Variants in UBXN4 observed in about 807,000 individuals in gnomAD.
UBXN4 encodes the protein UBX domain-containing protein 4.
Under a neutral mutation model 66.2 loss-of-function variants are expected in UBXN4, and 35 were observed. The ratio of observed to expected loss-of-function variants is 0.53; its 90% CI spans 0.40 to 0.70. UBXN4 has a LOEUF of 0.70. UBXN4 is among the 30% of genes least tolerant of loss of function. The pLI is 0.00. For missense variants in UBXN4, 533 were observed against 599.8 expected (o/e 0.89, Z 1.16); for synonymous variants, 203 against 204.5 (o/e 0.99, Z 0.06).
chr2:135,759,579 C>G (rs1197080549), intron 5 of UBXN4, among the ~76,000 whole-genome samples: 1 of 152,118 alleles, frequency 6.6e-6, no homozygotes, highest in Non-Finnish European at 1.5e-5. Flanking sequence ...TTGATCAAGT[C>G]AGCTTCATTA....
chr2:135,761,949 A>G lies in UBXN4; in HGVS notation c.602+38A>G. On this transcript the variant is annotated intron_variant, in intron 6 of 12. Coordinates refer to ENST00000272638, the MANE Select transcript of UBXN4 (RefSeq NM_014607.4). ...TTTTGCAAATAGCATTTTGTTTAAAAAGACAGTGGTTTTCAGTTATTTCAT... is the reference window on the plus strand; with the variant it reads ...TTTTGCAAATAGCATTTTGTTTAAAGAGACAGTGGTTTTCAGTTATTTCAT... The G allele has an allele frequency of 1.9e-6, 3 of 1,569,210 alleles. No homozygotes were observed. In the Middle Eastern group the frequency reaches 5.1e-4, roughly 264 times the overall value.
chr2:135,742,050 C>G, intron 1 of UBXN4, 39 bp downstream of exon 1: 2 of 1,601,814 alleles, frequency 1.2e-6, no homozygotes, highest in Non-Finnish European at 1.7e-6. Context: ...CCGGGACACC[C>G]CTCCGGCCTA....
Position 135,746,579 on chromosome 2 carries a change from C to T in UBXN4, c.83-1688C>T, listed in dbSNP as rs137932684. On this transcript the variant is annotated intron_variant, in intron 1 of 12. Transcript: ENST00000272638. ...AATATTAAAGTGGGTGATTAAGTAT[C>T]AGCTTTATTGAGCTGATATTTGAGC... Among the ~76,000 whole-genome samples the T allele has an allele frequency of 1.5e-3, 226 of 152,264 alleles. 2 individuals carry two copies. The highest frequency in any genetic ancestry group is 5.2e-3 in the African/African-American group (215 of 41,548).
In UBXN4 at chr2:135,773,445, T is replaced by C. The variant is rs2077395276; in HGVS notation, c.950+898T>C. On this transcript the variant is annotated intron_variant, in intron 9 of 12. Transcript: ENST00000272638. ...CTTTTCTCTCTCATGCCTGTATCAG[T>C]CACTGAGAATTCTGACTGCCCCTGT... Among the ~76,000 whole-genome samples the C allele has an allele frequency of 2.6e-5, 4 of 152,214 alleles. No individual in the cohort carries two copies. In the South Asian group the frequency reaches 8.3e-4, roughly 31 times the overall value.
Position 135,754,233 on chromosome 2 carries a change from G to T in UBXN4, c.289G>T (p.Val97Phe). 1 of 1,614,118 alleles carries T rather than the reference G, an allele frequency of 6.2e-7. No individual in the cohort carries two copies. The highest frequency in any genetic ancestry group is 8.5e-7 in the Non-Finnish European group (1 of 1,179,972). The change falls in exon 4 of 13, where the codon GTT becomes TTT. Residue 97 changes from valine to phenylalanine, a missense_variant. Around this residue, in one of 2 missense-constraint regions of UBXN4, gnomAD observed 529 missense variants for 580.1 expected, o/e 0.91. Coordinates refer to ENST00000272638, the MANE Select transcript of UBXN4 (RefSeq NM_014607.4). ...GIPLEVIAGSVSADELVTRIH... is the reference protein window; with the variant it reads ...GIPLEVIAGSFSADELVTRIH... ...TCCCTTGGAAGTAATAGCAGGAAGT[G>T]TTTCTGCAGATGAACTTGTTACAAG... is the stretch of plus-strand genomic sequence containing the variant.
chr2:135,759,472 A>T (rs751532679), intron 5 of UBXN4, among the ~76,000 whole-genome samples: 23 of 152,116 alleles, frequency 1.5e-4, no homozygotes, highest in Non-Finnish European at 2.4e-4. Flanking sequence ...AGTTTTTCCT[A>T]TAGTTTTCCA....
At chr2:135,754,486 C>G (rs2077267562) in intron 4 of UBXN4, among the ~76,000 whole-genome samples, 1 of 152,110 alleles carries the variant, frequency 6.6e-6, no homozygotes, top group Non-Finnish European at 1.5e-5. Flanking sequence ...CCACACTGAG[C>G]TGATTTTTGT....
At chr2:135,751,099 C>T (rs1274549396) in intron 2 of UBXN4, among the ~76,000 whole-genome samples, 11 of 149,290 alleles carry the variant, frequency 7.4e-5, no homozygotes, top group East Asian at 2.0e-4. Flanking sequence ...GTGATCCGCC[C>T]GCCTCAGCCT....
chr2:135,761,430 T>C (rs909950340), intron 5 of UBXN4, among the ~76,000 whole-genome samples: 3 of 151,916 alleles, frequency 2.0e-5, no homozygotes, highest in Admixed American at 2.0e-4. Context: ...GTCCCTCACT[T>C]GGCAGTAACC....
intron 6 of UBXN4, among the ~76,000 whole-genome samples, chr2:135,763,755 G>A (rs2077330200): frequency 6.6e-6 from 1 of 151,928 alleles, no homozygotes; most frequent in African/African-American, 2.4e-5. Flanking sequence ...GAGCCCAGGA[G>A]GTCAAGGCTG....
chr2:135,784,400 G>A lies in UBXN4; in HGVS notation c.*1513G>A, dbSNP rs2077471100. On this transcript the variant is annotated 3_prime_UTR_variant, in exon 13 of 13. Coordinates refer to ENST00000272638, the MANE Select transcript of UBXN4 (RefSeq NM_014607.4). ...AAAAGCAGCAGGATCCAGAGCTATA[G>A]GTACAGTGTGATCTCAGCTTTGCAA... The A allele has an allele frequency of 6.6e-6, 1 of 152,148 alleles. No homozygotes were observed. The allele number at this position is 152,148 out of a possible 1,614,324, so 9.4% of individuals were successfully genotyped here. A position where few individuals can be genotyped will look rare whatever the true frequency, so the allele number is the denominator to read the frequency against.
At chr2:135,759,133 C>T (rs916941010) in intron 5 of UBXN4, among the ~76,000 whole-genome samples, 9 of 152,206 alleles carry the variant, frequency 5.9e-5, no homozygotes, top group Non-Finnish European at 1.3e-4. Context: ...TCGAGGTACT[C>T]ATCATCCTGC....
intron 5 of UBXN4, among the ~76,000 whole-genome samples, chr2:135,758,062 C>T (rs1009900697): frequency 4.9e-5 from 7 of 144,236 alleles, no homozygotes; most frequent in African/African-American, 1.5e-4. Flanking sequence ...GTGTGCACCA[C>T]CACACCTGGC....
At chr2:135,756,080 G>T (rs1350009754) in intron 5 of UBXN4, among the ~76,000 whole-genome samples, 2 of 152,132 alleles carry the variant, frequency 1.3e-5, no homozygotes, top group African/African-American at 4.8e-5. Flanking sequence ...ATAAATTTAA[G>T]AGAATAGTGT....
chr2:135,777,278 T>C (rs961030173), intron 10 of UBXN4, among the ~76,000 whole-genome samples: 1 of 152,218 alleles, frequency 6.6e-6, no homozygotes, highest in Non-Finnish European at 1.5e-5. Context: ...CTAGGCTCAT[T>C]ATATGTATCA....
At chr2:135,750,802 T>A (rs112377723) in intron 2 of UBXN4, among the ~76,000 whole-genome samples, 3,925 of 149,492 alleles carry the variant, frequency 0.026, 189 homozygotes, top group African/African-American at 0.093. Flanking sequence ...AATTCCAGAA[T>A]TCTTGAGATT....
At chr2:135,754,091 A>T (rs2077264083) in intron 3 of UBXN4, 68 bp from the exon 4 acceptor site, 1 of 1,082,278 alleles carries the variant, frequency 9.2e-7, no homozygotes, top group Non-Finnish European at 1.4e-6. Flanking sequence ...TTCCTTTGTT[A>T]CCAATAGTGT....
At position 135,754,998 on chromosome 2, in the gene UBXN4, G is replaced by A. The variant is rs548275981; in HGVS notation, c.334-519G>A. 5.3e-5 allele frequency among the ~76,000 whole-genome samples: 8 copies of A among 152,074 alleles called. 1 individual carries two copies. In the South Asian group the frequency reaches 1.7e-3, roughly 32 times the overall value. On this transcript the variant is annotated intron_variant, in intron 4 of 12. Transcript: ENST00000272638. ...GGAATTTTGCCATGTTGGCCAGGCTGGTCTTGAACTCCTGACCTCAAGTGA... is the reference window on the plus strand; with the variant it reads ...GGAATTTTGCCATGTTGGCCAGGCTAGTCTTGAACTCCTGACCTCAAGTGA...
intron 6 of UBXN4, among the ~76,000 whole-genome samples, chr2:135,769,302 A>T (rs2077368114): frequency 6.6e-6 from 1 of 152,002 alleles, no homozygotes; most frequent in African/African-American, 2.4e-5. Flanking sequence ...GCCTCCATTC[A>T]TTTTTAACTG....
Sources: gnomAD v4.1 joint callset for allele counts (sites outside exome capture counted in the v4.1 genomes callset) on GRCh38, gnomAD v4.1.1 for gene constraint, gnomAD v4.1.1 regional missense constraint, MANE v1.5 for transcripts, NCBI Gene and HGNC (gene_info 2026-07-23, HGNC 2026-07-21) for gene names.